Variants in NDST3 observed in about 807,000 individuals in gnomAD.
The protein encoded by NDST3 is bifunctional heparan sulfate N-deacetylase/N-sulfotransferase 3.
A neutral mutation model predicts 96.1 loss-of-function variants in NDST3; 58 were observed. That is an observed-to-expected ratio of 0.60 (90% CI 0.49 to 0.75). The LOEUF (loss-of-function observed/expected upper bound fraction) is 0.75, where lower values mean the gene tolerates loss of function less well. NDST3 is among the 30% of genes least tolerant of loss of function. The pLI, the probability that NDST3 is intolerant of heterozygous loss-of-function variation, is 0.00. For missense variants in NDST3, 788 were observed against 1,034.2 expected, an observed-to-expected ratio of 0.76 and a Z score of 3.27; for synonymous variants, 333 against 359.7, an observed-to-expected ratio of 0.93 and a Z score of 0.84.
At chr4:118,058,620 TGTGTGTGTGTGTGTGCGC>T (rs1438081584) in intron 2 of NDST3, among the ~76,000 whole-genome samples, 1 of 37,302 alleles carries the variant, frequency 2.7e-5, no homozygotes, top group African/African-American at 4.2e-5. Flanking sequence ...TGTGTGTGTG[TGTGTGTGTGTGTGTGCGC>T]GCGCGCGCAC....
rs1264615798 is a variant in NDST3, at chr4:118,105,039, C to A, written c.1003C>A (p.Leu335Ile). ...TCAGGCCCTGCTTGATACTCAGAATCTTTTGCGTGCACAAATCACAAATTT... is the reference window on the plus strand; with the variant it reads ...TCAGGCCCTGCTTGATACTCAGAATATTTTGCGTGCACAAATCACAAATTT... ...DVKALLDTQN[L>I]LRAQITNFTF... Residue 335 changes from leucine to isoleucine, a missense_variant, in exon 3 of 14, where the codon CTT becomes ATT. Physicochemically the swap from Leu to Ile is conservative, Grantham distance 5. Coordinates refer to ENST00000296499, the MANE Select transcript of NDST3 (RefSeq NM_004784.3). 1 of 1,613,384 alleles carries A rather than the reference C, an allele frequency of 6.2e-7. No individual in the cohort carries two copies. The highest frequency in any genetic ancestry group is 1.3e-5 in the African/African-American group (1 of 75,022).
At position 118,256,936 on chromosome 4, in the gene NDST3, T is replaced by G. The variant is rs1424144439; in HGVS notation, c.*1224T>G. The stretch of plus-strand genomic sequence containing the variant: ...AGCAGAGGCCCATTTTTGAAAATAT[T>G]TCACCCATCACTCTGGTGGAAGTAA... On this transcript the variant is annotated 3_prime_UTR_variant, in exon 14 of 14. Transcript: ENST00000296499. 2.0e-5 allele frequency: 3 copies of G among 152,146 alleles called. No individual in the cohort carries two copies. Among genetic ancestry groups the G allele is most frequent in the African/African-American group, 7.2e-5 (3 of 41,436 alleles). The allele number at this position is 152,146 out of a possible 1,614,324, so 9.4% of individuals were successfully genotyped here. A position where few individuals can be genotyped will look rare whatever the true frequency, so the allele number is the denominator to read the frequency against.
intron 6 of NDST3, among the ~76,000 whole-genome samples, chr4:118,154,810 C>A (rs1295376068): frequency 6.6e-6 from 1 of 152,194 alleles, no homozygotes; most frequent in Non-Finnish European, 1.5e-5. Flanking sequence ...ACTGTTTCTG[C>A]ACGCCTGGCT....
At chr4:118,063,598 G>A (rs1030022478) in intron 2 of NDST3, among the ~76,000 whole-genome samples, 1 of 152,042 alleles carries the variant, frequency 6.6e-6, no homozygotes, top group Admixed American at 6.6e-5. Flanking sequence ...TCTCTATGCT[G>A]GTGATTTAAA....
intron 1 of NDST3, among the ~76,000 whole-genome samples, chr4:118,044,602 T>G (rs1724650820): frequency 6.6e-6 from 1 of 152,260 alleles, no homozygotes; most frequent in South Asian, 2.1e-4. Flanking sequence ...TATTAATTCT[T>G]GTCCCAGAAA....
intron 6 of NDST3, among the ~76,000 whole-genome samples, chr4:118,220,867 GACT>G (rs1739494296): frequency 6.6e-6 from 1 of 151,952 alleles, no homozygotes; most frequent in Admixed American, 6.6e-5. Flanking sequence ...GTTTAAAAAG[GACT>G]ACTACAAAGC....
intron 5 of NDST3, among the ~76,000 whole-genome samples, chr4:118,140,982 A>G (rs17049622): frequency 0.046 from 6,955 of 152,246 alleles, 273 homozygotes; most frequent in African/African-American, 0.11. Flanking sequence ...TTTTTAATGG[A>G]AATGCCCATT....
chr4:118,257,738 A>C lies in NDST3; in HGVS notation c.*2026A>C, dbSNP rs1037489757. ...TTTTAAATATACTATTAGCAGAAAA[A>C]ATTGGAAAAATCACCAATTTTTAAG... On this transcript the variant is annotated 3_prime_UTR_variant, in exon 14 of 14. Transcript: ENST00000296499. 4 of 152,158 alleles carry C rather than the reference A, an allele frequency of 2.6e-5. No homozygotes were observed. Among genetic ancestry groups the C allele is most frequent in the African/African-American group, 9.7e-5 (4 of 41,430 alleles). 9.4% of individuals were successfully genotyped at this position (152,158 alleles called of 1,614,324 possible). A position where few individuals can be genotyped will look rare whatever the true frequency, so the allele number is the denominator to read the frequency against.
At chr4:118,074,623 C>T (rs1195723247) in intron 2 of NDST3, among the ~76,000 whole-genome samples, 3 of 152,286 alleles carry the variant, frequency 2.0e-5, no homozygotes, top group South Asian at 2.1e-4. Context: ...TACTTTGAGG[C>T]TATGGGTGTC....
At chr4:118,095,649 G>A (rs1203549388) in intron 2 of NDST3, among the ~76,000 whole-genome samples, 5 of 151,442 alleles carry the variant, frequency 3.3e-5, no homozygotes, top group Non-Finnish European at 7.4e-5. Context: ...CATATTCACA[G>A]TATTGTGCCA....
rs200766239 is a variant in NDST3, at chr4:118,222,616, G to T, written c.1540-1875G>T. ...AATATAAAAATAGAATTGAACATTT[G>T]GGAAAAGTTCCACGCTTGGAGGCTA... is the stretch of plus-strand genomic sequence containing the variant. On this transcript the variant is annotated intron_variant, in intron 6 of 13. Coordinates refer to ENST00000296499, the MANE Select transcript of NDST3 (RefSeq NM_004784.3). Among the ~76,000 whole-genome samples, 22 of 151,998 alleles carry T rather than the reference G, an allele frequency of 1.4e-4. No homozygotes were observed. In the East Asian group the frequency reaches 4.3e-3, roughly 29 times the overall value.
intron 2 of NDST3, among the ~76,000 whole-genome samples, chr4:118,057,245 T>C (rs1725501434): frequency 6.6e-6 from 1 of 152,066 alleles, no homozygotes; most frequent in African/African-American, 2.4e-5. Flanking sequence ...TTGATAATTG[T>C]TGATGATGTG....
chr4:118,064,627 G>T (rs78730848), intron 2 of NDST3, among the ~76,000 whole-genome samples: 1 of 151,990 alleles, frequency 6.6e-6, no homozygotes, highest in South Asian at 2.1e-4. Context: ...AATATTAATA[G>T]TTATAATGAT....
At position 118,066,456 on chromosome 4, in the gene NDST3, A is replaced by ATAT. The variant is rs1396534651; in HGVS notation, c.981+11566_981+11568dup. On this transcript the variant is annotated intron_variant, in intron 2 of 13. Transcript: ENST00000296499. ...TCATATATCATATGTTATATATTAT[A>ATAT]TATACATTATATATGTTATATATTA... Among the ~76,000 whole-genome samples the ATAT allele has an allele frequency of 6.0e-4, 9 of 15,110 alleles. 3 individuals are homozygous for ATAT. The Admixed American group carries it at 8.4e-3, about 14-fold the overall frequency. 9.9% of individuals were successfully genotyped at this position (15,110 alleles called of 152,430 possible).
intron 12 of NDST3, among the ~76,000 whole-genome samples, chr4:118,247,852 T>C (rs1270665830): frequency 2.6e-5 from 4 of 152,254 alleles, no homozygotes; most frequent in African/African-American, 9.6e-5. Context: ...AAAACTGCAA[T>C]GCCTATCCTA....
chr4:118,051,103 A>C (rs1462491747), intron 1 of NDST3, among the ~76,000 whole-genome samples: 1 of 152,184 alleles, frequency 6.6e-6, no homozygotes, highest in Non-Finnish European at 1.5e-5. Context: ...CAAGGCCAAC[A>C]AAAGCAAGCA....
At chr4:118,121,668 G>T (rs1731585055) in intron 4 of NDST3, among the ~76,000 whole-genome samples, 1 of 109,910 alleles carries the variant, frequency 9.1e-6, no homozygotes, top group South Asian at 3.5e-4. Flanking sequence ...TTTTTAATCA[G>T]ATGGATGATG....
At chr4:118,048,191 T>A (rs1261678166) in intron 1 of NDST3, among the ~76,000 whole-genome samples, 1 of 152,174 alleles carries the variant, frequency 6.6e-6, no homozygotes, top group Non-Finnish European at 1.5e-5. Context: ...AATGAATTCA[T>A]TTCAACTAGA....
intron 1 of NDST3, among the ~76,000 whole-genome samples, chr4:118,045,887 T>C (rs536171136): frequency 6.6e-6 from 1 of 152,050 alleles, no homozygotes; most frequent in Non-Finnish European, 1.5e-5. Flanking sequence ...TGTTCCATTA[T>C]AATTTCTTGC....
Sources: allele counts gnomAD v4.1 joint callset (sites outside exome capture counted in the v4.1 genomes callset), GRCh38; gene constraint gnomAD v4.1.1; transcripts MANE v1.5; gene names NCBI Gene and HGNC (gene_info 2026-07-23, HGNC 2026-07-21).